The following DHRSX variants were observed in gnomAD, a reference collection of about 807,000 sequenced individuals.
DHRSX encodes dehydrogenase/reductase X-linked, also known as polyprenol dehydrogenase.
A neutral mutation model predicts 34.0 loss-of-function variants in DHRSX; 31 were observed. The ratio of observed to expected loss-of-function variants is 0.91; its 90% confidence interval spans 0.69 to 1.23. DHRSX has a LOEUF of 1.23. Ranked by LOEUF, DHRSX falls within the 50% of genes most tolerant of loss-of-function variation. The probability of loss-of-function intolerance (pLI) is 0.00; values close to 1 mark genes in which losing one functional copy is unlikely to be tolerated. For synonymous variants in DHRSX, 201 were observed against 183.8 expected, an observed-to-expected ratio of 1.09 and a Z score of -0.76; for missense variants, 414 against 428.1, an observed-to-expected ratio of 0.97 and a Z score of 0.29.
chrX:2,409,014 A>T (rs1041620603), intron 2 of DHRSX, among the ~76,000 whole-genome samples: 1 of 152,228 alleles, frequency 6.6e-6, no homozygotes, highest in African/African-American at 2.4e-5. Flanking sequence ...CATTTTCTTT[A>T]GCCTGCATTG....
At chrX:2,358,938 G>T (rs1356126044) in intron 3 of DHRSX, among the ~76,000 whole-genome samples, 3 of 144,990 alleles carry the variant, frequency 2.1e-5, no homozygotes, top group African/African-American at 5.1e-5. Flanking sequence ...GACAGAGTGA[G>T]ACTCTGTCTC....
intron 2 of DHRSX, among the ~76,000 whole-genome samples, chrX:2,419,874 C>T (rs1450814610): frequency 1.3e-5 from 2 of 150,940 alleles, no homozygotes; most frequent in African/African-American, 2.4e-5. Context: ...TGCTAAATGA[C>T]GAGTTAATAG....
At chrX:2,297,761 A>AG (rs1366979850) in intron 3 of DHRSX, among the ~76,000 whole-genome samples, 2 of 85,896 alleles carry the variant, frequency 2.3e-5, no homozygotes, top group Non-Finnish European at 6.2e-5. Flanking sequence ...TGTCTTTTTG[A>AG]GTTTTTTTTT....
chrX:2,396,818 G>A (rs1055469161), intron 3 of DHRSX, among the ~76,000 whole-genome samples: 13 of 147,472 alleles, frequency 8.8e-5, no homozygotes, highest in Admixed American at 4.8e-4. Context: ...AGGCCGGAGC[G>A]CAATACCACG....
chrX:2,303,446 C>T (rs1036788144), intron 3 of DHRSX, among the ~76,000 whole-genome samples: 1 of 152,010 alleles, frequency 6.6e-6, no homozygotes, highest in African/African-American at 2.4e-5. Flanking sequence ...TGCACAGCAC[C>T]TCCCCTCCAC....
chrX:2,445,210 GAA>G (rs1250761226), intron 1 of DHRSX, among the ~76,000 whole-genome samples: 15 of 152,100 alleles, frequency 9.9e-5, no homozygotes, highest in Non-Finnish European at 2.1e-4. Context: ...ACACAGGGCC[GAA>G]AAGGGCTAAC....
intron 3 of DHRSX, among the ~76,000 whole-genome samples, chrX:2,322,877 C>T (rs868374440): frequency 1.1e-4 from 17 of 152,090 alleles, no homozygotes; most frequent in Non-Finnish European, 2.1e-4. Flanking sequence ...ACGTGTGTGA[C>T]GCCCCTAACT....
chrX:2,474,197 G>A (rs922529501), intron 1 of DHRSX, among the ~76,000 whole-genome samples: 11 of 151,814 alleles, frequency 7.2e-5, no homozygotes, highest in Non-Finnish European at 1.3e-4. Context: ...AACTGAAGAC[G>A]TTTTCTAAGA....
At chrX:2,432,680 A>G (rs1255404599) in intron 1 of DHRSX, among the ~76,000 whole-genome samples, 1 of 152,224 alleles carries the variant, frequency 6.6e-6, no homozygotes, top group Non-Finnish European at 1.5e-5. Flanking sequence ...CATAGCATGC[A>G]TGAGTGAACT....
At chrX:2,446,554 C>T (rs1469967245) in intron 1 of DHRSX, among the ~76,000 whole-genome samples, 2 of 151,988 alleles carry the variant, frequency 1.3e-5, no homozygotes, top group Non-Finnish European at 2.9e-5. Context: ...CATGTACACA[C>T]TGAAGACGGT....
chrX:2,254,532 C>G (rs2041249205), intron 5 of DHRSX, among the ~76,000 whole-genome samples: 1 of 152,192 alleles, frequency 6.6e-6, no homozygotes, highest in Non-Finnish European at 1.5e-5. Flanking sequence ...CCATTACATT[C>G]TTTCTAGGAT....
intron 5 of DHRSX, among the ~76,000 whole-genome samples, chrX:2,255,773 G>T (rs895839539): frequency 2.2e-4 from 34 of 151,660 alleles, no homozygotes; most frequent in African/African-American, 7.5e-4. Context: ...AAATTAGGTG[G>T]GCATGGTGGC....
At chrX:2,396,695 T>C (rs1242526636) in intron 3 of DHRSX, among the ~76,000 whole-genome samples, 1 of 151,560 alleles carries the variant, frequency 6.6e-6, no homozygotes, top group Non-Finnish European at 1.5e-5. Flanking sequence ...CTCTTCCAGC[T>C]CCTGGTATCC....
chrX:2,440,991 C>A (rs1299328968), intron 1 of DHRSX, among the ~76,000 whole-genome samples: 1 of 152,168 alleles, frequency 6.6e-6, no homozygotes, highest in African/African-American at 2.4e-5. Flanking sequence ...CAATGAGGAG[C>A]TACAGACGAC....
chrX:2,342,372 C>T (rs971678289), intron 3 of DHRSX, among the ~76,000 whole-genome samples: 1 of 151,980 alleles, frequency 6.6e-6, no homozygotes, highest in Non-Finnish European at 1.5e-5. Flanking sequence ...TCACATGTAT[C>T]GGGCCATACT....
intron 1 of DHRSX, among the ~76,000 whole-genome samples, chrX:2,464,326 T>G (rs2044450095): frequency 1.5e-5 from 1 of 68,514 alleles, no homozygotes; most frequent in Admixed American, 1.3e-4. Flanking sequence ...ACTGAAGAGG[T>G]TCCCTAGCAA....
At chrX:2,383,238 CCAT>C (rs2043234210) in intron 3 of DHRSX, among the ~76,000 whole-genome samples, 1 of 151,238 alleles carries the variant, frequency 6.6e-6, no homozygotes, top group African/African-American at 2.4e-5. Flanking sequence ...TTCTATCACC[CCAT>C]CATCATCACC....
intron 6 of DHRSX, among the ~76,000 whole-genome samples, chrX:2,235,473 G>A (rs375676948): frequency 6.6e-6 from 1 of 151,758 alleles, no homozygotes; most frequent in Non-Finnish European, 1.5e-5. Flanking sequence ...GGCTGGGTAC[G>A]GTGGCTCACA....
At chrX:2,293,253 G>T (rs867427941) in intron 3 of DHRSX, among the ~76,000 whole-genome samples, 8 of 138,988 alleles carry the variant, frequency 5.8e-5, no homozygotes, top group Admixed American at 7.2e-5. Flanking sequence ...TGTTAAAGCT[G>T]TTTTTTTTTT....
Sources: allele counts gnomAD v4.1 joint callset (sites outside exome capture counted in the v4.1 genomes callset), GRCh38; gene constraint gnomAD v4.1.1; transcripts MANE v1.5; gene names NCBI Gene and HGNC (gene_info 2026-07-23, HGNC 2026-07-21).